Variants in ARHGAP39 observed in about 807,000 individuals in gnomAD.
The protein encoded by ARHGAP39 is rho GTPase-activating protein 39.
Under a neutral mutation model 106.9 loss-of-function variants are expected in ARHGAP39, and 44 were observed. The ratio of observed to expected loss-of-function variants is 0.41; its 90% CI spans 0.32 to 0.53. ARHGAP39 has a LOEUF of 0.53. Among genes scored for constraint, ARHGAP39 ranks in the 20% least tolerant of loss-of-function variants. The probability of loss-of-function intolerance (pLI) is 0.21; values close to 1 mark genes in which losing one functional copy is unlikely to be tolerated. For synonymous variants in ARHGAP39, 768 were observed against 693.2 expected, an observed-to-expected ratio of 1.11 and a Z score of -1.69; for missense variants, 1,496 against 1,577.3, an observed-to-expected ratio of 0.95 and a Z score of 0.87.
chr8:144,590,322 A>G (rs141755632), intron 2 of ARHGAP39, among the ~76,000 whole-genome samples: 159 of 152,296 alleles, frequency 1.0e-3, no homozygotes, highest in Non-Finnish European at 1.7e-3. Flanking sequence ...CCCAAACCTC[A>G]CGTTGAGATG....
intron 3 of ARHGAP39, among the ~76,000 whole-genome samples, 157 bp from the exon 4 acceptor site, chr8:144,555,800 T>A (rs964589224): frequency 1.3e-5 from 2 of 152,202 alleles, no homozygotes; most frequent in Non-Finnish European, 2.9e-5. Flanking sequence ...CTGCCCTGAG[T>A]CCACCTTCTT....
chr8:144,543,365 T>C (rs999804115), intron 6 of ARHGAP39, among the ~76,000 whole-genome samples: 26 of 152,070 alleles, frequency 1.7e-4, no homozygotes, highest in African/African-American at 6.3e-4. Context: ...TGAGGCTCAT[T>C]TGGGAAGGAA....
In ARHGAP39 at chr8:144,532,287, CGT is replaced by C. The variant is rs780353737; in HGVS notation, c.2980+16_2980+17del. ...CTGAGCCAGGCCCGCTCTGCTGCAG[CGT>C]GTGTGGGGGACTCACCAGGGACGTG... On this transcript the variant is annotated intron_variant, in intron 10 of 11. Coordinates refer to ENST00000377307, the MANE Select transcript of ARHGAP39 (RefSeq NM_025251.3). The C allele has an allele frequency of 1.7e-5, 28 of 1,610,650 alleles. No homozygotes were observed. The highest frequency in any genetic ancestry group is 2.2e-5 in the East Asian group (1 of 44,888).
chr8:144,673,147 G>A (rs972837128), intron 1 of ARHGAP39, among the ~76,000 whole-genome samples: 3 of 151,826 alleles, frequency 2.0e-5, no homozygotes, highest in African/African-American at 7.3e-5. Context: ...AGCCCAGGAG[G>A]TCAAAGATAC....
At chr8:144,541,675 C>T (rs956536750) in intron 6 of ARHGAP39, among the ~76,000 whole-genome samples, 9 of 152,180 alleles carry the variant, frequency 5.9e-5, no homozygotes, top group African/African-American at 1.7e-4. Flanking sequence ...TTCATCCATG[C>T]GCGTCTATCA....
At chr8:144,543,862 C>T (rs909807426) in intron 6 of ARHGAP39, 1 of 152,272 alleles carries the variant, frequency 6.6e-6, no homozygotes, top group African/African-American at 2.4e-5. Context: ...TGTCTTCTGG[C>T]CCTCACTTGC....
At chr8:144,536,707 G>A (rs531536827) in intron 7 of ARHGAP39, among the ~76,000 whole-genome samples, 2 of 152,284 alleles carry the variant, frequency 1.3e-5, no homozygotes, top group Admixed American at 6.5e-5. Flanking sequence ...TGGCAGCCTC[G>A]GAGGTGCCAG....
At chr8:144,607,310 G>C (rs1410238036) in intron 1 of ARHGAP39, among the ~76,000 whole-genome samples, 2 of 151,436 alleles carry the variant, frequency 1.3e-5, no homozygotes, top group Admixed American at 1.3e-4. Flanking sequence ...TGAGGTTCAA[G>C]GTCAGGCAAA....
intron 3 of ARHGAP39, among the ~76,000 whole-genome samples, chr8:144,569,950 G>C (rs1177230719): frequency 1.3e-5 from 2 of 152,226 alleles, no homozygotes; most frequent in East Asian, 3.8e-4. Context: ...GCTGGGCGCG[G>C]TGGCTCAGGC....
rs116869770 is a variant in ARHGAP39 at position 144,619,208 on chromosome 8, C to A, written c.-81-13513G>T. On this transcript the variant is annotated intron_variant, in intron 1 of 11. Coordinates refer to ENST00000377307, the MANE Select transcript of ARHGAP39 (RefSeq NM_025251.3). ...AATCTGGAACAGAGGATGCTCTGTG[C>A]CAGCTCCAGACAGGGTCTGCTGGGA... Among the ~76,000 whole-genome samples, 320 of 152,380 alleles carry A rather than the reference C, an allele frequency of 2.1e-3. 1 individual carries two copies. The highest frequency in any genetic ancestry group is 3.7e-3 in the Non-Finnish European group (254 of 68,030).
intron 2 of ARHGAP39, among the ~76,000 whole-genome samples, chr8:144,587,309 A>T (rs183927723): frequency 5.9e-5 from 9 of 152,320 alleles, no homozygotes; most frequent in Admixed American, 5.9e-4. Flanking sequence ...AGAAGGAAAG[A>T]GGCTACAGCA....
intron 1 of ARHGAP39, among the ~76,000 whole-genome samples, chr8:144,638,592 A>C (rs1821234829): frequency 6.6e-6 from 1 of 152,228 alleles, no homozygotes; most frequent in Non-Finnish European, 1.5e-5. Flanking sequence ...CTTCCAGTTC[A>C]CAAAGTTTCT....
intron 1 of ARHGAP39, among the ~76,000 whole-genome samples, chr8:144,667,175 C>T (rs966717575): frequency 6.6e-6 from 1 of 152,168 alleles, no homozygotes; most frequent in African/African-American, 2.4e-5. Context: ...TGCTCCAAGC[C>T]CACCCGCACC....
Position 144,616,972 on chromosome 8 carries a change from G to A in ARHGAP39, c.-81-11277C>T, listed in dbSNP as rs1386229700. ...CACACCTGGAATTGCAGCACTTTGG[G>A]AGTCCAAAGCAGGAGAATCACTTGA... is the stretch of plus-strand genomic sequence containing the variant. On this transcript the variant is annotated intron_variant, in intron 1 of 11. Transcript: ENST00000377307. Among the ~76,000 whole-genome samples, 3 of 152,146 alleles carry A rather than the reference G, an allele frequency of 2.0e-5. No homozygotes were observed. In the East Asian group the frequency reaches 5.8e-4, roughly 29 times the overall value.
intron 6 of ARHGAP39, among the ~76,000 whole-genome samples, chr8:144,542,716 A>G (rs1457865281): frequency 7.8e-6 from 1 of 128,924 alleles, no homozygotes; most frequent in Non-Finnish European, 1.5e-5. Context: ...AGGTGGGTGG[A>G]TCAACTCAGG....
At chr8:144,621,379 G>C (rs919446388) in intron 1 of ARHGAP39, among the ~76,000 whole-genome samples, 2 of 152,258 alleles carry the variant, frequency 1.3e-5, no homozygotes, top group Non-Finnish European at 2.9e-5. Flanking sequence ...CCAGTTCCCA[G>C]GGGTGGGAAA....
chr8:144,580,654 C>A (rs919424572), intron 3 of ARHGAP39, among the ~76,000 whole-genome samples, 192 bp downstream of exon 3: 2 of 150,890 alleles, frequency 1.3e-5, no homozygotes, highest in African/African-American at 4.9e-5. Flanking sequence ...CAGTCCCGCT[C>A]TCACGTGGCC....
At position 144,577,390 on chromosome 8, in the gene ARHGAP39, A is replaced by G. The variant is rs146394390; in HGVS notation, c.512+3456T>C. On this transcript the variant is annotated intron_variant, in intron 3 of 11. Transcript: ENST00000377307. ...CAGAAAAGGCATTGACAAAATCCAC[A>G]TGATAAAACCACTGGGAACACAAGG... Among the ~76,000 whole-genome samples, 468 of 152,338 alleles carry G rather than the reference A, an allele frequency of 3.1e-3. 2 individuals are homozygous for G. The highest frequency in any genetic ancestry group is 5.2e-3 in the African/African-American group (217 of 41,574).
intron 3 of ARHGAP39, among the ~76,000 whole-genome samples, chr8:144,568,409 A>G (rs1371798313): frequency 6.6e-6 from 1 of 151,056 alleles, no homozygotes; most frequent in African/African-American, 2.4e-5. Context: ...CATTACCAGC[A>G]GACTTGCACT....
Sources: allele counts gnomAD v4.1 joint callset (sites outside exome capture counted in the v4.1 genomes callset), GRCh38; gene constraint gnomAD v4.1.1; transcripts MANE v1.5; gene names NCBI Gene and HGNC (gene_info 2026-07-23, HGNC 2026-07-21).